Variants in ADARB1 observed in about 807,000 individuals in gnomAD.
The protein encoded by ADARB1 is adenosine deaminase RNA specific B1.
In ADARB1, 10 loss-of-function variants were observed where a neutral mutation model predicts 52.4. That is an observed-to-expected ratio of 0.19 (90% confidence interval 0.12 to 0.32). The LOEUF (loss-of-function observed/expected upper bound fraction) is 0.32, where lower values mean the gene tolerates loss of function less well. Among genes scored for constraint, ADARB1 ranks in the 10% least tolerant of loss-of-function variants. ADARB1 has a pLI of 1.00. For synonymous variants in ADARB1, 349 were observed against 371.1 expected, an observed-to-expected ratio of 0.94 and a Z score of 0.68; for missense variants, 643 against 922.3, an observed-to-expected ratio of 0.70 and a Z score of 3.92.
Position 45,221,154 on chromosome 21 carries a change from T to C in ADARB1, c.1926+140T>C. 3.6e-6 allele frequency: 4 copies of C among 1,105,450 alleles called. No homozygotes were observed. Among genetic ancestry groups the C allele is most frequent in the Non-Finnish European group, 3.8e-6 (3 of 792,532 alleles). The allele number at this position is 1,105,450 out of a possible 1,614,324, so 68.5% of individuals were successfully genotyped here. A position where few individuals can be genotyped will look rare whatever the true frequency, so the allele number is the denominator to read the frequency against. ...AACGATCACTTGGAATGATTCTTCC[T>C]TCAGATTGTTTTAGCTTAGAAGTGT... On this transcript the variant is annotated intron_variant, in intron 10 of 10. Coordinates refer to ENST00000348831, the MANE Select transcript of ADARB1 (RefSeq NM_001112.4). The surrounding 1 kb of genome is among the most constrained non-coding windows in gnomAD (Gnocchi z 4.9).
intron 2 of ADARB1, among the ~76,000 whole-genome samples, chr21:45,159,180 C>T (rs2090829316): frequency 6.6e-6 from 1 of 152,080 alleles, no homozygotes; most frequent in South Asian, 2.1e-4. Context: ...CTGCAGAGGC[C>T]TCTCAATCAT....
At chr21:45,185,847 TG>T (rs1425939763) in intron 8 of ADARB1, among the ~76,000 whole-genome samples, 8 of 152,110 alleles carry the variant, frequency 5.3e-5, no homozygotes, top group Admixed American at 2.6e-4. Flanking sequence ...CCACAGTGAG[TG>T]GGTTTTGACT....
At chr21:45,211,177 G>T (rs1000020823) in intron 9 of ADARB1, among the ~76,000 whole-genome samples, 1 of 152,194 alleles carries the variant, frequency 6.6e-6, no homozygotes, top group Non-Finnish European at 1.5e-5. Flanking sequence ...TGCTCTGTAC[G>T]GATTCTAATG....
chr21:45,175,849 G>A lies in ADARB1; in HGVS notation c.148G>A (p.Gly50Ser), dbSNP rs943839960. 13 of 1,613,838 alleles carry A rather than the reference G, an allele frequency of 8.1e-6. No individual in the cohort carries two copies. The highest frequency in any genetic ancestry group is 2.2e-5 in the East Asian group (1 of 44,860). ...QLSNGGGGGPGRKRPLEEGSN... is the reference protein window; with the variant it reads ...QLSNGGGGGPSRKRPLEEGSN... The stretch of plus-strand genomic sequence containing the variant: ...CTCCAATGGGGGTGGTGGTGGCCCC[G>A]GCAGAAAGCGGCCCCTGGAGGAGGG... The change falls in exon 4 of 11, where the codon GGC becomes AGC. Residue 50 changes from glycine (G) to serine (S), a missense_variant. By Grantham distance (56) the Gly-to-Ser change is moderately conservative. This residue lies in a region of ADARB1 where 380 missense variants were observed against 446.5 expected (regional missense o/e 0.85). Transcript: ENST00000348831.
intron 1 of ADARB1, among the ~76,000 whole-genome samples, chr21:45,075,575 T>G (rs1005599220): frequency 8.5e-5 from 13 of 152,332 alleles, no homozygotes; most frequent in African/African-American, 2.9e-4. Flanking sequence ...TCTGGGGCAG[T>G]TGGGGGCCCG....
At chr21:45,160,282 G>A (rs2090896420) in intron 2 of ADARB1, among the ~76,000 whole-genome samples, 1 of 152,248 alleles carries the variant, frequency 6.6e-6, no homozygotes, top group African/African-American at 2.4e-5. Flanking sequence ...TGGACCGAAG[G>A]AGGTGGGAGA....
Position 45,222,170 on chromosome 21 carries a change from G to A in ADARB1, c.2079G>A (p.Glu693=), listed in dbSNP as rs1012173488. The A allele has an allele frequency of 3.8e-6, 6 of 1,599,464 alleles. No homozygotes were observed. In the African/African-American group the frequency reaches 5.4e-5, roughly 14 times the overall value. ...GLGAWVEKPT[E]QDQFSLTP Reference sequence around the variant, plus strand: ...GGGCCTGGGTGGAGAAGCCCACCGAGCAGGACCAGTTCTCACTCACGCCCT... The same window carrying A: ...GGGCCTGGGTGGAGAAGCCCACCGAACAGGACCAGTTCTCACTCACGCCCT... The change falls in exon 11 of 11, where the codon GAG becomes GAA. Residue 693 remains glutamate (E), a synonymous_variant. Transcript: ENST00000348831.
At chr21:45,103,957 C>A (rs2087135756) in intron 1 of ADARB1, among the ~76,000 whole-genome samples, 1 of 152,170 alleles carries the variant, frequency 6.6e-6, no homozygotes, top group African/African-American at 2.4e-5. Flanking sequence ...TACCCTTACA[C>A]AGTATATCCT....
chr21:45,158,629 C>G (rs1392039373), intron 2 of ADARB1, among the ~76,000 whole-genome samples: 12 of 152,018 alleles, frequency 7.9e-5, no homozygotes, highest in Admixed American at 7.9e-4. Context: ...CTCACAGGTC[C>G]CATATGTGTT....
intron 2 of ADARB1, among the ~76,000 whole-genome samples, chr21:45,160,332 G>T (rs569243385): frequency 6.6e-6 from 1 of 152,378 alleles, no homozygotes; most frequent in East Asian, 1.9e-4. Flanking sequence ...GCTTACAGAC[G>T]TTCGCATAGT....
intron 1 of ADARB1, among the ~76,000 whole-genome samples, chr21:45,097,872 C>G (rs548219637): frequency 6.6e-6 from 1 of 152,264 alleles, no homozygotes; most frequent in African/African-American, 2.4e-5. Context: ...GTCCTCTGGC[C>G]CAGCCTGCTA....
chr21:45,176,532 G>A lies in ADARB1; in HGVS notation c.831G>A (p.Ser277=), dbSNP rs201273628. 3.2e-5 allele frequency: 51 copies of A among 1,614,170 alleles called. No homozygotes were observed. Among genetic ancestry groups the A allele is most frequent in the Middle Eastern group, 1.6e-4 (1 of 6,062 alleles). ...TGGATGGTCAGTTCTTTGAAGGCTCGGGGAGAAACAAGAAGCTTGCCAAGG... is the reference window on the plus strand; with the variant it reads ...TGGATGGTCAGTTCTTTGAAGGCTCAGGGAGAAACAAGAAGCTTGCCAAGG... ...VVVDGQFFEG[S]GRNKKLAKAR... Residue 277 remains serine, a synonymous_variant, in exon 4 of 11, where the codon TCG becomes TCA. Transcript: ENST00000348831. This position sits in a 1 kb window ranked among gnomAD's most constrained non-coding sequence, Gnocchi z 5.8.
In ADARB1 at chr21:45,204,800, T is replaced by C; in HGVS notation, c.1747+64T>C. 4 of 1,543,706 alleles carry C rather than the reference T, an allele frequency of 2.6e-6. No individual in the cohort carries two copies. Among genetic ancestry groups the C allele is most frequent in the African/African-American group, 1.4e-5 (1 of 72,978 alleles). ...TGATTTTGCAATGTTTTCATCCTCA[T>C]GAATGAAAAAAACACCACCTGAGCT... is the stretch of plus-strand genomic sequence containing the variant. On this transcript the variant is annotated intron_variant, in intron 9 of 10. Coordinates refer to ENST00000348831, the MANE Select transcript of ADARB1 (RefSeq NM_001112.4). This position sits in a 1 kb window ranked among gnomAD's most constrained non-coding sequence, Gnocchi z 4.4.
chr21:45,088,333 CAA>C (rs1385639279), intron 1 of ADARB1, among the ~76,000 whole-genome samples: 1 of 152,062 alleles, frequency 6.6e-6, no homozygotes, highest in African/African-American at 2.4e-5. Context: ...AGGAAGTGGC[CAA>C]AATGGATGGG....
chr21:45,214,231 T>C (rs2225434), intron 9 of ADARB1, among the ~76,000 whole-genome samples: 78,909 of 151,992 alleles, frequency 0.52, 20,837 homozygotes, highest in South Asian at 0.58. Context: ...CTGAGTTGTT[T>C]AACATCTTAT....
intron 2 of ADARB1, among the ~76,000 whole-genome samples, chr21:45,171,149 C>G (rs1373724215): frequency 6.6e-6 from 1 of 152,220 alleles, no homozygotes; most frequent in Non-Finnish European, 1.5e-5. Flanking sequence ...CGCCATCTGT[C>G]ATGGCGTGTT....
At position 45,200,013 on chromosome 21, in the gene ADARB1, G is replaced by A. The variant is rs1271205595; in HGVS notation, c.1566-4542G>A. Among the ~76,000 whole-genome samples, 1 of 152,220 alleles carries A rather than the reference G, an allele frequency of 6.6e-6. No individual in the cohort carries two copies. Among genetic ancestry groups the A allele is most frequent in the Non-Finnish European group, 1.5e-5 (1 of 68,030 alleles). ...ATAGAACCTAGCATGGGTGGGCCAAGAAATAGCAAATGGCCAGAAAAGTTG... is the reference window on the plus strand; with the variant it reads ...ATAGAACCTAGCATGGGTGGGCCAAAAAATAGCAAATGGCCAGAAAAGTTG... On this transcript the variant is annotated intron_variant, in intron 8 of 10. Coordinates refer to ENST00000348831, the MANE Select transcript of ADARB1 (RefSeq NM_001112.4). This position sits in a 1 kb window ranked among gnomAD's most constrained non-coding sequence, Gnocchi z 5.0.
chr21:45,147,022 GC>G (rs1336765537), intron 2 of ADARB1, among the ~76,000 whole-genome samples: 6 of 152,172 alleles, frequency 3.9e-5, no homozygotes, highest in South Asian at 2.1e-4. Context: ...CTTGGGCCTG[GC>G]CAGCCCCTCC....
At chr21:45,080,461 G>A (rs193110220) in intron 1 of ADARB1, among the ~76,000 whole-genome samples, 2 of 152,312 alleles carry the variant, frequency 1.3e-5, no homozygotes, top group African/African-American at 2.4e-5. Flanking sequence ...ACTTCTGCAC[G>A]TGGGAGCCTG....
Sources: gnomAD v4.1 joint callset for allele counts (sites outside exome capture counted in the v4.1 genomes callset) on GRCh38, gnomAD v4.1.1 for gene constraint, gnomAD v4.1.1 regional missense constraint, Gnocchi (gnomAD v3.1) non-coding constraint, MANE v1.5 for transcripts, NCBI Gene and HGNC (gene_info 2026-07-23, HGNC 2026-07-21) for gene names.